Variants in JMJD7 observed in about 807,000 individuals in gnomAD.
JMJD7 encodes bifunctional peptidase and (3S)-lysyl hydroxylase JMJD7.
JMJD7 carries 41 observed loss-of-function variants against 41.1 expected under a neutral mutation model. That is an observed-to-expected ratio of 1.00 (90% CI 0.78 to 1.30). The LOEUF (loss-of-function observed/expected upper bound fraction) is 1.30. JMJD7 is among the 50% of genes most tolerant of loss of function. The pLI, the probability that JMJD7 is intolerant of heterozygous loss-of-function variation, is 0.00. For synonymous variants in JMJD7, 202 were observed against 177.2 expected (o/e 1.14, Z -1.11); for missense variants, 480 against 420.7 (o/e 1.14, Z -1.23).
intron 1 of JMJD7, among the ~76,000 whole-genome samples, chr15:41,828,847 C>G (rs995274728): frequency 2.4e-4 from 36 of 152,108 alleles, no homozygotes; most frequent in African/African-American, 8.0e-4. Flanking sequence ...AAATAGTAGC[C>G]TGCTAAACAC....
In JMJD7 at chr15:41,837,328, G is replaced by A. The variant is rs924694313; in HGVS notation, c.*172G>A. 55 of 599,490 alleles carry A rather than the reference G, an allele frequency of 9.2e-5. No homozygotes were observed. The highest frequency in any genetic ancestry group is 8.0e-5 in the South Asian group (4 of 49,866). The allele number at this position is 599,490 out of a possible 1,614,324, so 37.1% of individuals were successfully genotyped here. ...TTGGAATGTGGTCATAAGGACTCAA[G>A]GTGCCAGGCAGGTCTGGGTGAGGGT... is the stretch of plus-strand genomic sequence containing the variant. On this transcript the variant is annotated 3_prime_UTR_variant, in exon 8 of 8. Coordinates refer to ENST00000397299, the MANE Select transcript of JMJD7 (RefSeq NM_001114632.2).
chr15:41,829,468 C>T (rs764742485), intron 1 of JMJD7, among the ~76,000 whole-genome samples: 6 of 152,296 alleles, frequency 3.9e-5, no homozygotes, highest in Admixed American at 6.5e-5. Flanking sequence ...TGCGCCACCA[C>T]GCCTGGCTAA....
At chr15:41,829,301 G>A (rs1460547335) in intron 1 of JMJD7, 3 of 152,382 alleles carry the variant, frequency 2.0e-5, no homozygotes, top group East Asian at 1.9e-4. Flanking sequence ...GTGTGAGTAT[G>A]TTTGTTGGTT....
rs1031157806 is a variant in JMJD7 at position 41,836,875 on chromosome 15, G to A, written c.797G>A (p.Gly266Asp). The A allele has an allele frequency of 1.9e-6, 3 of 1,613,344 alleles. No individual in the cohort carries two copies. The African/African-American group carries it at 4.0e-5, about 22-fold the overall frequency. ...GCCCTTCGCTGCACGGTGCGGGCCG[G>A]TGAGATGCTCTATCTGCCGGCTCTG... The part of the protein sequence containing the change: ...AQALRCTVRA[G>D]EMLYLPALWF... Residue 266 changes from glycine to aspartate, a missense_variant, in exon 7 of 8, where the codon GGT becomes GAT. Coordinates refer to ENST00000397299, the MANE Select transcript of JMJD7 (RefSeq NM_001114632.2).
intron 4 of JMJD7, 95 bp from the exon 5 acceptor site, chr15:41,836,053 A>T: frequency 1.5e-6 from 2 of 1,314,912 alleles, no homozygotes; most frequent in Non-Finnish European, 2.1e-6. Flanking sequence ...TTGTCATAGG[A>T]CGTCTTGGGG....
chr15:41,834,292 A>G (rs553722381), intron 1 of JMJD7, among the ~76,000 whole-genome samples: 2 of 152,336 alleles, frequency 1.3e-5, no homozygotes, highest in African/African-American at 4.8e-5. Context: ...TGCTCAGTAA[A>G]TGTCACTGTT....
intron 1 of JMJD7, among the ~76,000 whole-genome samples, chr15:41,830,450 C>G (rs775548101): frequency 4.6e-5 from 7 of 152,230 alleles, no homozygotes; most frequent in Non-Finnish European, 5.9e-5. Flanking sequence ...GCCACATGTT[C>G]CACAGAGCTG....
intron 1 of JMJD7, among the ~76,000 whole-genome samples, chr15:41,831,669 C>T (rs1469190635): frequency 2.6e-5 from 4 of 152,226 alleles, no homozygotes; most frequent in Admixed American, 2.6e-4. Context: ...AGGAGCTATC[C>T]TCTTTGCTGA....
intron 1 of JMJD7, among the ~76,000 whole-genome samples, chr15:41,833,738 C>G (rs2065268554): frequency 6.6e-6 from 1 of 151,918 alleles, no homozygotes; most frequent in Admixed American, 6.6e-5. Flanking sequence ...TATAGCATGT[C>G]AGATGGTGAT....
chr15:41,835,247 G>C, intron 3 of JMJD7, 24 bp downstream of exon 3: 3 of 1,586,742 alleles, frequency 1.9e-6, no homozygotes, highest in Non-Finnish European at 2.6e-6. Context: ...GGGTGGTCGT[G>C]GCCCTGGACA....
Position 41,834,966 on chromosome 15 carries a change from C to T in JMJD7, c.219-4C>T. 1 of 1,614,132 alleles carries T rather than the reference C, an allele frequency of 6.2e-7. No individual in the cohort carries two copies. Among genetic ancestry groups the T allele is most frequent in the South Asian group, 1.1e-5 (1 of 91,084 alleles). Reference sequence around the variant, plus strand: ...GGGCATGGGCTGAGTGTCCATTCCTCTAGAGCCACAGTGGGCTCCACAGAG... The same window carrying T: ...GGGCATGGGCTGAGTGTCCATTCCTTTAGAGCCACAGTGGGCTCCACAGAG... On this transcript the variant is annotated splice_region_variant and splice_polypyrimidine_tract_variant and intron_variant, in intron 2 of 7. Coordinates refer to ENST00000397299, the MANE Select transcript of JMJD7 (RefSeq NM_001114632.2).
intron 4 of JMJD7, 110 bp from the exon 5 acceptor site, chr15:41,836,038 C>T: frequency 1.6e-6 from 2 of 1,214,380 alleles, no homozygotes; most frequent in South Asian, 1.6e-5. Context: ...GTGCGTGCTT[C>T]TCTTTTGTCA....
chr15:41,830,394 G>C (rs1181611873), intron 1 of JMJD7, among the ~76,000 whole-genome samples: 1 of 152,242 alleles, frequency 6.6e-6, no homozygotes, highest in Non-Finnish European at 1.5e-5. Context: ...TATGCACCTT[G>C]CCCGCCGCCG....
chr15:41,830,827 C>G (rs1489357913), intron 1 of JMJD7, among the ~76,000 whole-genome samples: 1 of 152,364 alleles, frequency 6.6e-6, no homozygotes, highest in East Asian at 1.9e-4. Context: ...CCCCTGCCTC[C>G]TTGGCCCCCT....
chr15:41,832,162 T>A (rs1255318990), intron 1 of JMJD7, among the ~76,000 whole-genome samples: 2 of 152,228 alleles, frequency 1.3e-5, no homozygotes, highest in African/African-American at 4.8e-5. Context: ...GCAGCCCACA[T>A]GCCTAGCTGT....
chr15:41,835,464 T>C, intron 3 of JMJD7, 124 bp from the exon 4 acceptor site: 1 of 1,433,366 alleles, frequency 7.0e-7, no homozygotes, highest in Non-Finnish European at 9.4e-7. Context: ...AACCTCTGCC[T>C]CTTCTCCCTG....
chr15:41,834,647 C>T (rs757038414), intron 1 of JMJD7, 93 bp from the exon 2 acceptor site: 4 of 1,534,396 alleles, frequency 2.6e-6, no homozygotes, highest in Admixed American at 3.8e-5. Context: ...CCCAGTGACA[C>T]AGCGCGGCCT....
chr15:41,833,493 T>G (rs1380848325), intron 1 of JMJD7, among the ~76,000 whole-genome samples: 1 of 144,704 alleles, frequency 6.9e-6, no homozygotes, highest in Admixed American at 7.2e-5. Context: ...CGATGATAGC[T>G]CATTGCAGCC....
intron 1 of JMJD7, among the ~76,000 whole-genome samples, chr15:41,830,159 C>T (rs1297812824): frequency 2.0e-5 from 3 of 152,178 alleles, no homozygotes; most frequent in Admixed American, 2.0e-4. Context: ...CTCCTCAGCC[C>T]AGACCCTCTG....
Sources: gnomAD v4.1 joint callset for allele counts (sites outside exome capture counted in the v4.1 genomes callset) on GRCh38, gnomAD v4.1.1 for gene constraint, MANE v1.5 for transcripts, NCBI Gene and HGNC (gene_info 2026-07-23, HGNC 2026-07-21) for gene names.